The following TAFA2 variants were observed in gnomAD, a reference collection of about 807,000 sequenced individuals.
TAFA2 encodes the protein TAFA chemokine like family member 2, also known as chemokine-like protein TAFA-2.
In TAFA2, 7 loss-of-function variants were observed where a neutral mutation model predicts 18.8. That is an observed-to-expected ratio of 0.37 (90% CI 0.21 to 0.70). The LOEUF (loss-of-function observed/expected upper bound fraction) is 0.70, where lower values mean the gene tolerates loss of function less well. Ranked by LOEUF, TAFA2 falls within the 30% of genes least tolerant of loss-of-function variation. The pLI, the probability that TAFA2 is intolerant of heterozygous loss-of-function variation, is 0.53. For synonymous variants in TAFA2, 60 were observed against 54.2 expected, an observed-to-expected ratio of 1.11 and a Z score of -0.47; for missense variants, 122 against 158.1, an observed-to-expected ratio of 0.77 and a Z score of 1.23.
At chr12:61,720,036 C>CT (rs150317227) in intron 4 of TAFA2, among the ~76,000 whole-genome samples, 10 of 148,098 alleles carry the variant, frequency 6.8e-5, no homozygotes, top group Admixed American at 1.3e-4. Context: ...GGTGCTTTTG[C>CT]TTTTTTTTTT....
At chr12:61,760,478 TTTC>T (rs1869495348) in intron 2 of TAFA2, among the ~76,000 whole-genome samples, 1 of 150,882 alleles carries the variant, frequency 6.6e-6, no homozygotes, top group East Asian at 2.0e-4. Context: ...TACGTTTAGT[TTTC>T]TTATTTGTCT....
chr12:61,930,013 G>T (rs1464574203), intron 1 of TAFA2, among the ~76,000 whole-genome samples: 5 of 147,172 alleles, frequency 3.4e-5, no homozygotes, highest in Non-Finnish European at 7.4e-5. Context: ...TGTGGGGTGG[G>T]GGTAGGGGGG....
rs1877689312 is a variant in TAFA2 at position 61,934,585 on chromosome 12, G to A, written c.-1-67159C>T. Among the ~76,000 whole-genome samples the A allele has an allele frequency of 2.0e-5, 3 of 152,306 alleles. No individual in the cohort carries two copies. In the South Asian group the frequency reaches 6.2e-4, roughly 32 times the overall value. On this transcript the variant is annotated intron_variant, in intron 1 of 4. Transcript: ENST00000416284. ...TCTGGGACCATCAAACACATACCAA[G>A]ATTATTGTTTGCCTGGGAAAACCCT...
At chr12:62,112,402 C>T (rs993306034) in intron 1 of TAFA2, among the ~76,000 whole-genome samples, 2 of 152,182 alleles carry the variant, frequency 1.3e-5, no homozygotes, top group Non-Finnish European at 2.9e-5. Context: ...CGACCTTTCT[C>T]TCTGGCTGCC....
At chr12:61,931,590 T>A (rs1877556914) in intron 1 of TAFA2, among the ~76,000 whole-genome samples, 1 of 152,212 alleles carries the variant, frequency 6.6e-6, no homozygotes, top group Admixed American at 6.5e-5. Context: ...CAAAAAATCC[T>A]GTATCTGTTC....
chr12:62,162,165 A>G (rs2136931364), intron 1 of TAFA2, among the ~76,000 whole-genome samples: 1 of 152,332 alleles, frequency 6.6e-6, no homozygotes, highest in Middle Eastern at 3.4e-3. Context: ...TCTAAACTTT[A>G]GGGAAGATAG....
chr12:61,772,512 C>T (rs1024767335), intron 2 of TAFA2, among the ~76,000 whole-genome samples: 12 of 151,872 alleles, frequency 7.9e-5, no homozygotes, highest in Admixed American at 7.9e-4. Flanking sequence ...AGATAATACA[C>T]CATGATCAAG....
chr12:62,159,775 T>C (rs2062394140), intron 1 of TAFA2, among the ~76,000 whole-genome samples: 1 of 152,158 alleles, frequency 6.6e-6, no homozygotes, highest in African/African-American at 2.4e-5. Context: ...GCTCGGGTGA[T>C]GGGTGCACCA....
At chr12:62,109,247 C>T (rs1051980170) in intron 1 of TAFA2, among the ~76,000 whole-genome samples, 12 of 152,288 alleles carry the variant, frequency 7.9e-5, no homozygotes, top group African/African-American at 2.9e-4. Context: ...ATCCTTTCCC[C>T]ATTGCTTGTT....
intron 4 of TAFA2, among the ~76,000 whole-genome samples, chr12:61,748,891 C>CTAT (rs10631975): frequency 0.37 from 56,637 of 151,574 alleles, 10,766 homozygotes; most frequent in African/African-American, 0.46. Flanking sequence ...TTATGCTATT[C>CTAT]TATTGTTACA....
intron 2 of TAFA2, among the ~76,000 whole-genome samples, chr12:61,848,697 A>C (rs1873508144): frequency 6.7e-6 from 1 of 149,700 alleles, no homozygotes; most frequent in Non-Finnish European, 1.5e-5. Context: ...TTGAAGAAAA[A>C]GGACAAATAA....
At chr12:61,893,184 G>C (rs374397255) in intron 1 of TAFA2, among the ~76,000 whole-genome samples, 1 of 152,190 alleles carries the variant, frequency 6.6e-6, no homozygotes, top group Non-Finnish European at 1.5e-5. Context: ...CGAGTCCAAA[G>C]TTTTGACTAT....
At chr12:61,956,516 A>G (rs960932962) in intron 1 of TAFA2, among the ~76,000 whole-genome samples, 12 of 151,948 alleles carry the variant, frequency 7.9e-5, no homozygotes, top group African/African-American at 2.2e-4. Context: ...ATATCTGAAA[A>G]TGTAGTTGGG....
chr12:61,823,015 A>T (rs1232573161), intron 2 of TAFA2, among the ~76,000 whole-genome samples: 1 of 152,108 alleles, frequency 6.6e-6, no homozygotes, highest in African/African-American at 2.4e-5. Context: ...TTTATCAAAC[A>T]TAGGAAATAC....
intron 1 of TAFA2, among the ~76,000 whole-genome samples, chr12:62,181,750 C>A (rs543049346): frequency 6.6e-6 from 1 of 152,290 alleles, no homozygotes; most frequent in East Asian, 1.9e-4. Context: ...CGTACCTTAG[C>A]TATGACACCT....
At chr12:62,145,131 C>G (rs1325059820) in intron 1 of TAFA2, among the ~76,000 whole-genome samples, 1 of 152,220 alleles carries the variant, frequency 6.6e-6, no homozygotes, top group Non-Finnish European at 1.5e-5. Flanking sequence ...CAGTCGCCTA[C>G]CAAATTCAAA....
intron 1 of TAFA2, among the ~76,000 whole-genome samples, chr12:62,189,840 C>A (rs2062609958): frequency 6.6e-6 from 1 of 151,836 alleles, no homozygotes; most frequent in Non-Finnish European, 1.5e-5. Flanking sequence ...ATCATTCAGT[C>A]AATAGTAACT....
chr12:61,755,357 A>C (rs1476220058), intron 2 of TAFA2, among the ~76,000 whole-genome samples: 2 of 152,118 alleles, frequency 1.3e-5, no homozygotes, highest in Admixed American at 1.3e-4. Context: ...TCAATGCATT[A>C]ATCAAAGTAA....
intron 1 of TAFA2, among the ~76,000 whole-genome samples, chr12:62,070,158 T>TA (rs1555187746): frequency 6.6e-6 from 1 of 152,238 alleles, no homozygotes; most frequent in African/African-American, 2.4e-5. Flanking sequence ...AATTTGAGGT[T>TA]AAAAAATGTC....
Sources: gnomAD v4.1 joint callset for allele counts (sites outside exome capture counted in the v4.1 genomes callset) on GRCh38, gnomAD v4.1.1 for gene constraint, MANE v1.5 for transcripts, NCBI Gene and HGNC (gene_info 2026-07-23, HGNC 2026-07-21) for gene names.